The following EGFLAM variants were observed in gnomAD, a reference collection of about 807,000 sequenced individuals.
EGFLAM encodes EGF like, fibronectin type III and laminin G domains.
A neutral mutation model predicts 113.1 loss-of-function variants in EGFLAM; 79 were observed. The observed-to-expected ratio is 0.70, with a 90% confidence interval of 0.58 to 0.84. The LOEUF (loss-of-function observed/expected upper bound fraction) is 0.84. EGFLAM is among the 40% of genes least tolerant of loss of function. EGFLAM has a pLI of 0.00. For missense variants in EGFLAM, 1,265 were observed against 1,291.6 expected (o/e 0.98, Z 0.32); for synonymous variants, 504 against 487.6 (o/e 1.03, Z -0.44).
At chr5:38,353,741 G>T (rs759890751) in intron 5 of EGFLAM, among the ~76,000 whole-genome samples, 4 of 152,184 alleles carry the variant, frequency 2.6e-5, no homozygotes, top group Non-Finnish European at 1.5e-5. Context: ...GGCTAGATCC[G>T]TGTCAATTCA....
intron 1 of EGFLAM, among the ~76,000 whole-genome samples, chr5:38,278,959 T>C (rs1757954597): frequency 6.6e-6 from 1 of 152,148 alleles, no homozygotes; most frequent in African/African-American, 2.4e-5. Flanking sequence ...ATTTGCAAAC[T>C]ATATATCTGA....
intron 6 of EGFLAM, among the ~76,000 whole-genome samples, chr5:38,380,892 T>C (rs2112061118): frequency 6.6e-6 from 1 of 152,236 alleles, no homozygotes; most frequent in African/African-American, 2.4e-5. Context: ...TCTGGCTAGG[T>C]AGAGAAGAGA....
At chr5:38,415,470 C>G (rs1579898199) in intron 11 of EGFLAM, among the ~76,000 whole-genome samples, 1 of 152,088 alleles carries the variant, frequency 6.6e-6, no homozygotes, top group East Asian at 1.9e-4. Context: ...ATCACTTGAA[C>G]TCAGCCTAGC....
chr5:38,407,789 C>T lies in EGFLAM; in HGVS notation c.1148-16C>T. 1 of 1,584,162 alleles carries T rather than the reference C, an allele frequency of 6.3e-7. No individual in the cohort carries two copies. The highest frequency in any genetic ancestry group is 8.6e-7 in the Non-Finnish European group (1 of 1,156,804). On this transcript the variant is annotated splice_polypyrimidine_tract_variant and intron_variant, in intron 8 of 21. Transcript: ENST00000322350. ...AGGAAATAGCATTCTTTTGTGTTGT[C>T]TTTTTTCTTCTTCAGATATTGTTAT...
At chr5:38,327,251 C>T (rs565449510) in intron 1 of EGFLAM, among the ~76,000 whole-genome samples, 1 of 152,316 alleles carries the variant, frequency 6.6e-6, no homozygotes, top group Admixed American at 6.5e-5. Context: ...CCAACTGGTG[C>T]AAACTTCACG....
intron 6 of EGFLAM, among the ~76,000 whole-genome samples, chr5:38,394,711 C>CTTTTT (rs11451294): frequency 0.018 from 2,147 of 121,594 alleles, 70 homozygotes; most frequent in African/African-American, 0.055. Context: ...GCCGGGCCCA[C>CTTTTT]TTTTTTTTTT....
chr5:38,364,992 C>A lies in EGFLAM; in HGVS notation c.546-5304C>A, dbSNP rs144251641. Among the ~76,000 whole-genome samples, 313 of 152,236 alleles carry A rather than the reference C, an allele frequency of 2.1e-3. 2 individuals are homozygous for A. The highest frequency in any genetic ancestry group is 3.7e-3 in the Non-Finnish European group (249 of 68,012). On this transcript the variant is annotated intron_variant, in intron 5 of 21. Coordinates refer to ENST00000322350, the MANE Select transcript of EGFLAM (RefSeq NM_152403.4). ...TCTGTGCTGTAATTAGGCTTCTGGT[C>A]CCCTCCCTCTAAGGCCAGTAGAGTG... is the stretch of plus-strand genomic sequence containing the variant.
At chr5:38,433,240 G>A (rs1008586012) in intron 15 of EGFLAM, among the ~76,000 whole-genome samples, 29 of 152,194 alleles carry the variant, frequency 1.9e-4, no homozygotes, top group Admixed American at 1.8e-3. Context: ...AAGCACCTAA[G>A]AGCCTGTGTG....
chr5:38,294,290 C>T (rs552904361), intron 1 of EGFLAM, among the ~76,000 whole-genome samples: 3 of 152,198 alleles, frequency 2.0e-5, no homozygotes, highest in Non-Finnish European at 4.4e-5. Flanking sequence ...ACACTTCAAG[C>T]ATCAAACCTG....
intron 12 of EGFLAM, among the ~76,000 whole-genome samples, chr5:38,422,678 C>A (rs576463326): frequency 6.6e-6 from 1 of 152,172 alleles, no homozygotes; most frequent in Non-Finnish European, 1.5e-5. Flanking sequence ...GAAATAACTC[C>A]CATGACTTCA....
intron 10 of EGFLAM, among the ~76,000 whole-genome samples, chr5:38,410,225 T>C (rs1741434250): frequency 6.6e-6 from 1 of 152,246 alleles, no homozygotes; most frequent in Non-Finnish European, 1.5e-5. Context: ...AGCATCCCAC[T>C]TGGGCTAGAA....
At chr5:38,274,036 T>C (rs1338738018) in intron 1 of EGFLAM, among the ~76,000 whole-genome samples, 1 of 151,890 alleles carries the variant, frequency 6.6e-6, no homozygotes, top group Non-Finnish European at 1.5e-5. Context: ...TATTAAAAAA[T>C]CAAATATTAT....
intron 4 of EGFLAM, among the ~76,000 whole-genome samples, chr5:38,351,653 A>C (rs962349602): frequency 6.6e-6 from 1 of 152,172 alleles, no homozygotes; most frequent in Non-Finnish European, 1.5e-5. Flanking sequence ...AAGTGATGGG[A>C]TCATGGGTGA....
At chr5:38,382,583 G>C (rs1740539299) in intron 6 of EGFLAM, among the ~76,000 whole-genome samples, 1 of 152,138 alleles carries the variant, frequency 6.6e-6, no homozygotes, top group Non-Finnish European at 1.5e-5. Flanking sequence ...CAAGTGGATG[G>C]TATTCTGAAC....
intron 1 of EGFLAM, among the ~76,000 whole-genome samples, chr5:38,265,583 C>T (rs1243855734): frequency 1.3e-5 from 2 of 152,218 alleles, no homozygotes; most frequent in Non-Finnish European, 2.9e-5. Context: ...CCAAACTCAT[C>T]TTTGATTTCA....
rs570886471 is a variant in EGFLAM at position 38,384,976 on chromosome 5, T to C, written c.712+14514T>C. The stretch of plus-strand genomic sequence containing the variant: ...GAGATGTTGCTAAATATGAATACCT[T>C]GCAATGCACAGAACAGCCCCCTACA... On this transcript the variant is annotated intron_variant, in intron 6 of 21. Coordinates refer to ENST00000322350, the MANE Select transcript of EGFLAM (RefSeq NM_152403.4). Among the ~76,000 whole-genome samples the C allele has an allele frequency of 3.5e-4, 53 of 152,200 alleles. 1 individual carries two copies. The highest frequency in any genetic ancestry group is 3.1e-3 in the Admixed American group (48 of 15,284).
In EGFLAM at chr5:38,406,248, A is replaced by G. The variant is rs1197732105; in HGVS notation, c.828+7A>G. ...GGATATTTCCTTTGAGGAGGTAACA[A>G]TAATCTCTGCTCTTAAAACCCAGGG... is the stretch of plus-strand genomic sequence containing the variant. On this transcript the variant is annotated splice_region_variant and intron_variant, in intron 7 of 21. Coordinates refer to ENST00000322350, the MANE Select transcript of EGFLAM (RefSeq NM_152403.4). The G allele has an allele frequency of 6.2e-7, 1 of 1,611,908 alleles. No individual in the cohort carries two copies. Among genetic ancestry groups the G allele is most frequent in the Non-Finnish European group, 8.5e-7 (1 of 1,178,052 alleles).
chr5:38,372,144 CTT>C (rs370743910), intron 6 of EGFLAM, among the ~76,000 whole-genome samples: 3 of 145,488 alleles, frequency 2.1e-5, no homozygotes, highest in African/African-American at 5.0e-5. Flanking sequence ...CATACTGCTC[CTT>C]TTTTTTTTTT....
chr5:38,312,465 C>G (rs879607582), intron 1 of EGFLAM, among the ~76,000 whole-genome samples: 12 of 152,092 alleles, frequency 7.9e-5, no homozygotes, highest in Admixed American at 4.6e-4. Flanking sequence ...TGGTCTTGAT[C>G]TGCTGACCTC....
Sources: allele counts gnomAD v4.1 joint callset (sites outside exome capture counted in the v4.1 genomes callset), GRCh38; gene constraint gnomAD v4.1.1; transcripts MANE v1.5; gene names NCBI Gene and HGNC (gene_info 2026-07-23, HGNC 2026-07-21).